Variants in EGFR observed in about 807,000 individuals in gnomAD.
EGFR encodes the protein avian erythroblastic leukemia viral (v-erb-b) oncogene homolog.
Under a neutral mutation model 143.0 loss-of-function variants are expected in EGFR, and 58 were observed. That is an observed-to-expected ratio of 0.41 (90% CI 0.33 to 0.50). The LOEUF (loss-of-function observed/expected upper bound fraction) is 0.50, where lower values mean the gene tolerates loss of function less well. EGFR is among the 20% of genes least tolerant of loss of function. The probability of loss-of-function intolerance (pLI) is 0.39; values close to 1 mark genes in which losing one functional copy is unlikely to be tolerated. For missense variants in EGFR, 1,307 were observed against 1,579.0 expected (o/e 0.83, Z 2.92); for synonymous variants, 613 against 594.4 (o/e 1.03, Z -0.45).
Position 55,066,369 on chromosome 7 carries a change from T to C in EGFR, c.88+47004T>C, listed in dbSNP as rs138880985. Among the ~76,000 whole-genome samples, 9 of 152,290 alleles carry C rather than the reference T, an allele frequency of 5.9e-5. No individual in the cohort carries two copies. The East Asian group carries it at 1.7e-3, about 29-fold the overall frequency. On this transcript the variant is annotated intron_variant, in intron 1 of 27. Transcript: ENST00000275493. Reference sequence around the variant, plus strand: ...CCTTTTTTAAATACAAAGAAATATTTGGTGTGAAATGTTCCCCGGGAGCTG... The same window carrying C: ...CCTTTTTTAAATACAAAGAAATATTCGGTGTGAAATGTTCCCCGGGAGCTG...
At chr7:55,055,120 C>A (rs575284942) in intron 1 of EGFR, among the ~76,000 whole-genome samples, 3 of 152,258 alleles carry the variant, frequency 2.0e-5, no homozygotes, top group South Asian at 4.1e-4. Context: ...TGACATGGGT[C>A]GGCCCGTACC....
At chr7:55,095,556 C>A (rs567817332) in intron 1 of EGFR, among the ~76,000 whole-genome samples, 22 of 152,298 alleles carry the variant, frequency 1.4e-4, no homozygotes, top group African/African-American at 5.1e-4. Context: ...AACCACAATT[C>A]TCTGATATGT....
chr7:55,181,614 T>C, intron 20 of EGFR, 136 bp downstream of exon 20: 1 of 1,050,108 alleles, frequency 9.5e-7, no homozygotes, highest in Non-Finnish European at 1.4e-6. Context: ...CATTCCTTTA[T>C]TTTGGATTCA....
intron 1 of EGFR, among the ~76,000 whole-genome samples, chr7:55,032,793 G>C (rs1302840737): frequency 6.6e-6 from 1 of 152,130 alleles, no homozygotes; most frequent in African/African-American, 2.4e-5. Flanking sequence ...GAATATATAT[G>C]TCATTTATTA....
intron 1 of EGFR, among the ~76,000 whole-genome samples, chr7:55,036,968 G>A (rs1045531393): frequency 6.6e-6 from 1 of 152,148 alleles, no homozygotes; most frequent in Non-Finnish European, 1.5e-5. Flanking sequence ...AGCAACATAG[G>A]GAGGGGGAAG....
intron 22 of EGFR, among the ~76,000 whole-genome samples, chr7:55,197,847 C>T (rs927870527): frequency 6.6e-5 from 10 of 152,178 alleles, no homozygotes; most frequent in African/African-American, 2.4e-4. Context: ...AGGGATGAAG[C>T]CGACTTGATT....
At chr7:55,058,425 C>G (rs1372871526) in intron 1 of EGFR, among the ~76,000 whole-genome samples, 8 of 151,860 alleles carry the variant, frequency 5.3e-5, no homozygotes, top group Non-Finnish European at 8.8e-5. Context: ...TGCATATACA[C>G]TATTCACAAT....
At chr7:55,175,236 A>G (rs1786545679) in intron 19 of EGFR, among the ~76,000 whole-genome samples, 1 of 152,226 alleles carries the variant, frequency 6.6e-6, no homozygotes, top group Admixed American at 6.5e-5. Context: ...TGAAACTTGC[A>G]TTCAATTCAC....
At position 55,198,899 on chromosome 7, in the gene EGFR, T is replaced by C. The variant is rs748528749; in HGVS notation, c.2848+36T>C. ...GGTGGGTCTGTCCACACTGCCTAGC[T>C]GAGCCTTGGTGGCTGCTCTTAGCCA... On this transcript the variant is annotated intron_variant, in intron 23 of 27. Coordinates refer to ENST00000275493, the MANE Select transcript of EGFR (RefSeq NM_005228.5). The C allele has an allele frequency of 2.5e-6, 4 of 1,612,788 alleles. No individual in the cohort carries two copies. The East Asian group carries it at 6.7e-5, about 27-fold the overall frequency.
At chr7:55,066,458 CT>C (rs1167823768) in intron 1 of EGFR, among the ~76,000 whole-genome samples, 2 of 152,114 alleles carry the variant, frequency 1.3e-5, no homozygotes, top group Admixed American at 6.5e-5. Flanking sequence ...CCGGCCAGGG[CT>C]ACCGTCAGCC....
At chr7:55,205,219 G>C (rs371668877) in intron 27 of EGFR, 37 bp from the exon 28 acceptor site, 2 of 1,612,194 alleles carry the variant, frequency 1.2e-6, no homozygotes, top group Non-Finnish European at 1.7e-6. Flanking sequence ...ATGGTGCTTT[G>C]CTGATTACTT....
At chr7:55,110,791 C>T (rs1278879144) in intron 1 of EGFR, among the ~76,000 whole-genome samples, 1 of 152,170 alleles carries the variant, frequency 6.6e-6, no homozygotes, top group Non-Finnish European at 1.5e-5. Context: ...CATTAGCCAC[C>T]AGCCTCTGCA....
Position 55,209,063 on chromosome 7 carries a change from G to A in EGFR, c.*3446G>A, listed in dbSNP as rs1788178446. On this transcript the variant is annotated 3_prime_UTR_variant, in exon 28 of 28. Transcript: ENST00000275493. Reference sequence around the variant, plus strand: ...TGCACTTGTGTAGGATGAAGCTGGTGGGTGATGGGAACTCAGCACCTCCCC... The same window carrying A: ...TGCACTTGTGTAGGATGAAGCTGGTAGGTGATGGGAACTCAGCACCTCCCC... 6.6e-6 allele frequency: 1 copy of A among 152,120 alleles called. No homozygotes were observed. Among genetic ancestry groups the A allele is most frequent in the African/African-American group, 2.4e-5 (1 of 41,372 alleles). 9.4% of individuals were successfully genotyped at this position (152,120 alleles called of 1,614,324 possible).
chr7:55,103,266 T>A (rs766756736), intron 1 of EGFR, among the ~76,000 whole-genome samples: 28 of 152,188 alleles, frequency 1.8e-4, no homozygotes, highest in Non-Finnish European at 8.8e-5. Flanking sequence ...TCAGTGTGTG[T>A]CCTCTCTGAG....
chr7:55,203,462 CAT>C (rs1787956007), intron 27 of EGFR, among the ~76,000 whole-genome samples: 1 of 131,728 alleles, frequency 7.6e-6, no homozygotes, highest in Admixed American at 8.1e-5. Context: ...TGTATGCACA[CAT>C]ACACACACAC....
At position 55,177,084 on chromosome 7, in the gene EGFR, C is replaced by T. The variant is rs375245694; in HGVS notation, c.2283+2264C>T. On this transcript the variant is annotated intron_variant, in intron 19 of 27. Transcript: ENST00000275493. ...TTCCTTGCCCCATGTTTCTTCACTG[C>T]GGCCATGTCCCCCCTCCTCTCCAAT... 1.2e-3 allele frequency among the ~76,000 whole-genome samples: 180 copies of T among 152,052 alleles called. 7 individuals carry two copies. In the South Asian group the frequency reaches 0.036, roughly 31 times the overall value.
At chr7:55,103,321 G>C (rs1174130194) in intron 1 of EGFR, among the ~76,000 whole-genome samples, 3 of 152,142 alleles carry the variant, frequency 2.0e-5, no homozygotes, top group African/African-American at 4.8e-5. Flanking sequence ...GATTTGGGAG[G>C]GTTGCTTTTT....
intron 1 of EGFR, among the ~76,000 whole-genome samples, chr7:55,116,199 T>C (rs2128910632): frequency 6.6e-6 from 1 of 152,342 alleles, no homozygotes; most frequent in East Asian, 1.9e-4. Context: ...ATAACTCTAA[T>C]GTGCAAGTAG....
At chr7:55,035,846 A>G (rs955100125) in intron 1 of EGFR, among the ~76,000 whole-genome samples, 1 of 152,138 alleles carries the variant, frequency 6.6e-6, no homozygotes, top group Non-Finnish European at 1.5e-5. Flanking sequence ...CAAAAAATCT[A>G]CTGGGAGGTC....
Sources: gnomAD v4.1 joint callset for allele counts (sites outside exome capture counted in the v4.1 genomes callset) on GRCh38, gnomAD v4.1.1 for gene constraint, MANE v1.5 for transcripts, NCBI Gene and HGNC (gene_info 2026-07-23, HGNC 2026-07-21) for gene names.